Variants in CLCN5 observed in about 807,000 individuals in gnomAD.
CLCN5 encodes the protein Cl-/H+ antiporter 5, also known as H(+)/Cl(-) exchange transporter 5.
CLCN5 carries 17 observed loss-of-function variants against 54.0 expected under a neutral mutation model. The ratio of observed to expected loss-of-function variants is 0.31; its 90% CI spans 0.22 to 0.47. CLCN5 has a LOEUF of 0.47. Among genes scored for constraint, CLCN5 ranks in the 20% least tolerant of loss-of-function variants. The pLI, the probability that CLCN5 is intolerant of heterozygous loss-of-function variation, is 1.00. For synonymous variants in CLCN5, 222 were observed against 233.0 expected, an observed-to-expected ratio of 0.95 and a Z score of 0.43; for missense variants, 448 against 646.7, an observed-to-expected ratio of 0.69 and a Z score of 3.33.
Position 50,094,388 on chromosome X carries a change from C to T in CLCN5, c.*2169C>T, listed in dbSNP as rs782327176. ...TGTATATTGTGTAGAAATCAAAGTTCTTATCTGTACATTTCTGGTCCAATA... is the reference window on the plus strand; with the variant it reads ...TGTATATTGTGTAGAAATCAAAGTTTTTATCTGTACATTTCTGGTCCAATA... On this transcript the variant is annotated 3_prime_UTR_variant, in exon 15 of 15. Coordinates refer to ENST00000376091, the MANE Select transcript of CLCN5 (RefSeq NM_001127898.4). 1 of 111,648 alleles carries T rather than the reference C, an allele frequency of 9.0e-6. No homozygotes were observed. Among genetic ancestry groups the T allele is most frequent in the East Asian group, 2.8e-4 (1 of 3,556 alleles). The allele number at this position is 111,648 out of a possible 1,213,427, so 9.2% of individuals were successfully genotyped here. A position where few individuals can be genotyped will look rare whatever the true frequency, so the allele number is the denominator to read the frequency against.
At chrX:50,082,552 A>G (rs904074018) in intron 9 of CLCN5, among the ~76,000 whole-genome samples, 5 of 110,651 alleles carry the variant, frequency 4.5e-5, no homozygotes, top group Admixed American at 1.9e-4. Context: ...CGCTCAAGCA[A>G]TCCTCCTCCC....
chrX:49,931,170 T>G lies in CLCN5; in HGVS notation c.16+5856T>G, dbSNP rs782070020. Among the ~76,000 whole-genome samples, 14 of 111,336 alleles carry G rather than the reference T, an allele frequency of 1.3e-4. No individual in the cohort carries two copies. In the South Asian group the frequency reaches 4.6e-3, roughly 36 times the overall value. The stretch of plus-strand genomic sequence containing the variant: ...TGAGAAAGCCGAGCAGTTGTTGAGG[T>G]GATTGTTGAAGGGATTAAATGAGAA... On this transcript the variant is annotated intron_variant, in intron 3 of 14. Transcript: ENST00000376091.
chrX:49,958,780 T>C (rs912336164), intron 3 of CLCN5, among the ~76,000 whole-genome samples: 4 of 111,904 alleles, frequency 3.6e-5, no homozygotes, highest in Non-Finnish European at 7.5e-5. Flanking sequence ...TGGGCTGTGA[T>C]GAACTCTTAT....
chrX:50,073,451 C>T (rs782624397), intron 6 of CLCN5, among the ~76,000 whole-genome samples: 37 of 111,926 alleles, frequency 3.3e-4, no homozygotes, highest in Admixed American at 1.1e-3. Context: ...GAGCAAGTTT[C>T]TTAACCCCTG....
chrX:50,040,967 G>T (rs934828057), intron 3 of CLCN5, among the ~76,000 whole-genome samples: 8 of 112,183 alleles, frequency 7.1e-5, no homozygotes, highest in African/African-American at 2.6e-4. Flanking sequence ...TTAGCCTTTT[G>T]CAGCTTTCAG....
intron 3 of CLCN5, among the ~76,000 whole-genome samples, chrX:50,012,254 A>T (rs1930544635): frequency 8.9e-6 from 1 of 111,803 alleles, no homozygotes. Context: ...AGCTGCAGCC[A>T]CAGTGTGCAT....
At chrX:50,079,947 G>A (rs1933614781) in intron 7 of CLCN5, among the ~76,000 whole-genome samples, 1 of 111,470 alleles carries the variant, frequency 9.0e-6, no homozygotes, top group Non-Finnish European at 1.9e-5. Context: ...CACATACAAA[G>A]AAAGGTAACT....
chrX:50,004,577 C>T (rs782771198), intron 3 of CLCN5, among the ~76,000 whole-genome samples: 40 of 110,474 alleles, frequency 3.6e-4, no homozygotes, highest in Non-Finnish European at 6.8e-4. Context: ...AATCTAAGGC[C>T]GCTTTTAAAA....
chrX:50,078,574 G>A lies in CLCN5; in HGVS notation c.604-2020G>A, dbSNP rs72619065. 2.3e-4 allele frequency among the ~76,000 whole-genome samples: 26 copies of A among 112,632 alleles called. No homozygotes were observed. In the East Asian group the frequency reaches 6.7e-3, roughly 29 times the overall value. ...TGTGTGTGTATGTGCGCGCACGCAT[G>A]TAGTTCATAGTTCATTGCCATTTTG... On this transcript the variant is annotated intron_variant, in intron 7 of 14. Transcript: ENST00000376091.
At chrX:50,086,153 CTG>C in intron 10 of CLCN5, 93 bp downstream of exon 10, 1 of 865,982 alleles carries the variant, frequency 1.2e-6, no homozygotes, top group Non-Finnish European at 1.7e-6. Flanking sequence ...TGTACAATAT[CTG>C]TGTATATCCC....
chrX:49,930,268 T>G (rs1462351825), intron 3 of CLCN5, among the ~76,000 whole-genome samples: 1 of 112,021 alleles, frequency 8.9e-6, no homozygotes, highest in Non-Finnish European at 1.9e-5. Context: ...CTCATACACT[T>G]GTGGTGGGAA....
rs1557192928 is a variant in CLCN5, at chrX:50,080,583, C to T, written c.604-11C>T. ...TAGGCTAAAACAAGCTTCTTTTTCC[C>T]CCTGTTCCAGGGAGCCTTTGCCTAC... On this transcript the variant is annotated splice_polypyrimidine_tract_variant and intron_variant, in intron 7 of 14. Transcript: ENST00000376091. The T allele has an allele frequency of 8.3e-7, 1 of 1,204,118 alleles. No individual in the cohort carries two copies. Among genetic ancestry groups the T allele is most frequent in the Non-Finnish European group, 1.1e-6 (1 of 892,493 alleles).
intron 3 of CLCN5, among the ~76,000 whole-genome samples, chrX:49,936,318 C>T (rs1381217979): frequency 8.9e-6 from 1 of 111,762 alleles, no homozygotes; most frequent in Non-Finnish European, 1.9e-5. Context: ...TGGAAACTCC[C>T]TTATATCACA....
intron 3 of CLCN5, among the ~76,000 whole-genome samples, chrX:49,935,515 G>A (rs933761875): frequency 8.9e-6 from 1 of 112,030 alleles, no homozygotes; most frequent in East Asian, 2.8e-4. Context: ...GAGTTGGAGT[G>A]CAAATAAATA....
chrX:49,987,205 G>A (rs1557178373), intron 3 of CLCN5, among the ~76,000 whole-genome samples: 1 of 111,912 alleles, frequency 8.9e-6, no homozygotes, highest in African/African-American at 3.3e-5. Flanking sequence ...TATTTCATTG[G>A]CCAAAGTCCA....
At chrX:49,998,031 C>T (rs782419786) in intron 3 of CLCN5, among the ~76,000 whole-genome samples, 1 of 110,840 alleles carries the variant, frequency 9.0e-6, no homozygotes, top group East Asian at 2.9e-4. Flanking sequence ...CTAGAGAGGC[C>T]CATTTTCCTG....
intron 7 of CLCN5, among the ~76,000 whole-genome samples, chrX:50,079,743 T>G (rs1330471455): frequency 1.8e-5 from 2 of 111,045 alleles, no homozygotes; most frequent in Non-Finnish European, 3.8e-5. Flanking sequence ...AAAAAGAAAG[T>G]TGAGTAAACA....
At chrX:50,078,195 C>T (rs976274244) in intron 7 of CLCN5, among the ~76,000 whole-genome samples, 3 of 109,917 alleles carry the variant, frequency 2.7e-5, no homozygotes, top group Admixed American at 9.7e-5. Context: ...AAAAACTGGG[C>T]GTGGTAGCAA....
chrX:50,054,848 A>G (rs1932694929), intron 4 of CLCN5, among the ~76,000 whole-genome samples: 1 of 112,067 alleles, frequency 8.9e-6, no homozygotes, highest in Non-Finnish European at 1.9e-5. Flanking sequence ...TTCATTTAAT[A>G]AAACCACTTT....
Sources: allele counts gnomAD v4.1 joint callset (sites outside exome capture counted in the v4.1 genomes callset), GRCh38; gene constraint gnomAD v4.1.1; transcripts MANE v1.5; gene names NCBI Gene and HGNC (gene_info 2026-07-23, HGNC 2026-07-21).